Variants in PRKCE observed in about 807,000 individuals in gnomAD.
PRKCE encodes the protein protein kinase C epsilon.
In PRKCE, 16 loss-of-function variants were observed where a neutral mutation model predicts 85.4. The observed-to-expected ratio is 0.19, with a 90% CI of 0.13 to 0.28. The LOEUF (loss-of-function observed/expected upper bound fraction) is 0.28. Among genes scored for constraint, PRKCE ranks in the 10% least tolerant of loss-of-function variants. The pLI, the probability that PRKCE is intolerant of heterozygous loss-of-function variation, is 1.00. For synonymous variants in PRKCE, 388 were observed against 371.5 expected (o/e 1.04, Z -0.51); for missense variants, 573 against 975.2 (o/e 0.59, Z 5.49).
chr2:45,684,657 C>T (rs1265516677), intron 1 of PRKCE, among the ~76,000 whole-genome samples: 2 of 152,256 alleles, frequency 1.3e-5, no homozygotes, highest in Non-Finnish European at 1.5e-5. Context: ...TGGTTTCCTG[C>T]ATCTGGGCGC....
intron 10 of PRKCE, among the ~76,000 whole-genome samples, chr2:46,042,604 C>G (rs531137903): frequency 6.6e-6 from 1 of 152,352 alleles, no homozygotes; most frequent in African/African-American, 2.4e-5. Flanking sequence ...AGATAAACCC[C>G]TCTTGGTCCT....
chr2:46,115,291 G>C (rs111253343), intron 11 of PRKCE, among the ~76,000 whole-genome samples: 8 of 152,226 alleles, frequency 5.3e-5, no homozygotes, highest in Non-Finnish European at 8.8e-5. Flanking sequence ...AGGCATTGCT[G>C]TCCATCCTGC....
intron 10 of PRKCE, 26 bp downstream of exon 10, chr2:46,010,543 T>G: frequency 6.3e-7 from 1 of 1,598,400 alleles, no homozygotes; most frequent in East Asian, 2.2e-5. Flanking sequence ...GCTGGCTGGC[T>G]GCCATGTTGG....
At chr2:45,942,492 G>A (rs1399856030) in intron 2 of PRKCE, among the ~76,000 whole-genome samples, 1 of 152,222 alleles carries the variant, frequency 6.6e-6, no homozygotes, top group East Asian at 1.9e-4. Context: ...TGTGTGACAT[G>A]TCATATATGA....
At chr2:45,890,120 A>C (rs895489396) in intron 2 of PRKCE, among the ~76,000 whole-genome samples, 5 of 152,170 alleles carry the variant, frequency 3.3e-5, no homozygotes, top group African/African-American at 1.2e-4. Flanking sequence ...TGGTGATTAG[A>C]CTCTGAAGGA....
At chr2:45,925,851 C>G (rs1219804903) in intron 2 of PRKCE, among the ~76,000 whole-genome samples, 1 of 152,220 alleles carries the variant, frequency 6.6e-6, no homozygotes, top group African/African-American at 2.4e-5. Context: ...AACAGTGGGA[C>G]TTGAGCTAGG....
At chr2:45,834,490 C>G (rs1452936337) in intron 1 of PRKCE, among the ~76,000 whole-genome samples, 1 of 152,158 alleles carries the variant, frequency 6.6e-6, no homozygotes, top group Non-Finnish European at 1.5e-5. Context: ...TGGTTTGCTC[C>G]TCCTGTCATG....
chr2:46,067,548 G>A (rs547461166), intron 10 of PRKCE, among the ~76,000 whole-genome samples: 6 of 152,304 alleles, frequency 3.9e-5, no homozygotes, highest in South Asian at 2.1e-4. Context: ...CCCAGCCTAC[G>A]TGGTGCAAAA....
At position 46,012,884 on chromosome 2, in the gene PRKCE, G is replaced by C. The variant is rs142393422; in HGVS notation, c.1437+2367G>C. Among the ~76,000 whole-genome samples the C allele has an allele frequency of 3.6e-3, 543 of 152,342 alleles. 12 individuals are homozygous for C. The highest frequency in any genetic ancestry group is 0.023 in the Admixed American group (357 of 15,302). On this transcript the variant is annotated intron_variant, in intron 10 of 14. Coordinates refer to ENST00000306156, the MANE Select transcript of PRKCE (RefSeq NM_005400.3). ...CAGGGATTTCTTTTATGGCAGAACA[G>C]TGATCAAGCTAACATGGATGTTGTC...
chr2:46,025,005 A>G (rs1160342158), intron 10 of PRKCE, among the ~76,000 whole-genome samples: 1 of 152,212 alleles, frequency 6.6e-6, no homozygotes, highest in Non-Finnish European at 1.5e-5. Flanking sequence ...TGATGTACAT[A>G]ACTCAGAGAT....
chr2:45,706,446 T>C (rs558948037), intron 1 of PRKCE, among the ~76,000 whole-genome samples: 1 of 152,332 alleles, frequency 6.6e-6, no homozygotes, highest in South Asian at 2.1e-4. Context: ...CAAGCTTCAT[T>C]CCTGGTTCTC....
intron 2 of PRKCE, among the ~76,000 whole-genome samples, chr2:45,942,873 G>C (rs1328831329): frequency 2.6e-5 from 4 of 152,048 alleles, no homozygotes; most frequent in African/African-American, 9.7e-5. Context: ...GTGGAAATAT[G>C]CTTACAGTAA....
intron 11 of PRKCE, among the ~76,000 whole-genome samples, chr2:46,119,441 T>C (rs567673357): frequency 3.9e-5 from 6 of 152,208 alleles, no homozygotes; most frequent in Non-Finnish European, 5.9e-5. Context: ...CAAATTCTTA[T>C]CATAAATAAA....
intron 1 of PRKCE, among the ~76,000 whole-genome samples, chr2:45,656,687 A>C (rs979311072): frequency 6.6e-6 from 1 of 152,220 alleles, no homozygotes; most frequent in Non-Finnish European, 1.5e-5. Flanking sequence ...CTCTGGCCCA[A>C]CCTTGAGAGC....
At chr2:45,998,783 T>C (rs1704427583) in intron 6 of PRKCE, among the ~76,000 whole-genome samples, 1 of 152,228 alleles carries the variant, frequency 6.6e-6, no homozygotes, top group South Asian at 2.1e-4. Flanking sequence ...GTGGTTTTAA[T>C]TGAGCATTTA....
chr2:46,186,007 T>C lies in PRKCE; in HGVS notation c.*1126T>C, dbSNP rs1680422270. On this transcript the variant is annotated 3_prime_UTR_variant, in exon 15 of 15. Transcript: ENST00000306156. Reference sequence around the variant, plus strand: ...GCTTTTGGAATAAGCAGAATGAGGCTAAACATGGGTTATACAAAGGGTATC... The same window carrying C: ...GCTTTTGGAATAAGCAGAATGAGGCCAAACATGGGTTATACAAAGGGTATC... 1 of 152,654 alleles carries C rather than the reference T, an allele frequency of 6.6e-6. No individual in the cohort carries two copies. The highest frequency in any genetic ancestry group is 6.5e-5 in the Admixed American group (1 of 15,286). 9.5% of individuals were successfully genotyped at this position (152,654 alleles called of 1,614,324 possible).
chr2:45,771,707 G>GTGTGTA (rs1428891999), intron 1 of PRKCE, among the ~76,000 whole-genome samples: 12 of 76,404 alleles, frequency 1.6e-4, no homozygotes, highest in African/African-American at 3.6e-4. Context: ...TGGGGCGTGT[G>GTGTGTA]TGTGTGTGTG....
chr2:45,824,999 G>A (rs1300945423), intron 1 of PRKCE, among the ~76,000 whole-genome samples: 1 of 152,200 alleles, frequency 6.6e-6, no homozygotes, highest in Non-Finnish European at 1.5e-5. Flanking sequence ...TCTGCTGAAC[G>A]TGGGTTCGCC....
chr2:46,139,472 T>C lies in PRKCE; in HGVS notation c.1593-5621T>C, dbSNP rs1673640655. On this transcript the variant is annotated intron_variant, in intron 11 of 14. Coordinates refer to ENST00000306156, the MANE Select transcript of PRKCE (RefSeq NM_005400.3). The surrounding 1 kb of genome is among the most constrained non-coding windows in gnomAD (Gnocchi z 5.2). ...TATTTTGAAGTGGATTCCATTGCAATTAACACATAAACCCAAAACAACTGT... is the reference window on the plus strand; with the variant it reads ...TATTTTGAAGTGGATTCCATTGCAACTAACACATAAACCCAAAACAACTGT... 6.6e-6 allele frequency among the ~76,000 whole-genome samples: 1 copy of C among 152,150 alleles called. No homozygotes were observed. Among genetic ancestry groups the C allele is most frequent in the Non-Finnish European group, 1.5e-5 (1 of 68,020 alleles).
Sources: allele counts gnomAD v4.1 joint callset (sites outside exome capture counted in the v4.1 genomes callset), GRCh38; gene constraint gnomAD v4.1.1; non-coding constraint Gnocchi (gnomAD v3.1); transcripts MANE v1.5; gene names NCBI Gene and HGNC (gene_info 2026-07-23, HGNC 2026-07-21).